The following TIMM23 variants were observed in gnomAD, a reference collection of about 807,000 sequenced individuals.
TIMM23 encodes the protein translocase of inner mitochondrial membrane 23.
In TIMM23, 19 loss-of-function variants were observed where a neutral mutation model predicts 30.7. The observed-to-expected ratio is 0.62, with a 90% CI of 0.43 to 0.91. The LOEUF (loss-of-function observed/expected upper bound fraction) is 0.91. Among genes scored for constraint, TIMM23 ranks in the 40% least tolerant of loss-of-function variants. TIMM23 has a pLI of 0.00. For missense variants in TIMM23, 202 were observed against 269.2 expected, an observed-to-expected ratio of 0.75 and a Z score of 1.75; for synonymous variants, 78 against 98.5, an observed-to-expected ratio of 0.79 and a Z score of 1.23.
At chr10:45,989,587 GT>G (rs1161541641) in intron 6 of TIMM23, among the ~76,000 whole-genome samples, 1 of 151,956 alleles carries the variant, frequency 6.6e-6, no homozygotes, top group East Asian at 1.9e-4. Context: ...TTTTAGTTTA[GT>G]TTTTTTAATC....
rs199733838 is a variant in TIMM23, at chr10:46,002,682, GA to G, written c.515-514del. Among the ~76,000 whole-genome samples the G allele has an allele frequency of 6.8e-3, 1,032 of 151,934 alleles. 13 individuals carry two copies. Among genetic ancestry groups the G allele is most frequent in the East Asian group, 0.02 (102 of 5,172 alleles). On this transcript the variant is annotated intron_variant, in intron 6 of 6. Coordinates refer to ENST00000580018, the MANE Select transcript of TIMM23 (RefSeq NM_006327.4). ...ATAGGAACAAATTGGAAAGTAGGGG[GA>G]AAAAAATTATGAATATGAAAATGTT...
In TIMM23 at chr10:46,003,415, A is replaced by G; in HGVS notation, c.*97A>G. 2 of 876,082 alleles carry G rather than the reference A, an allele frequency of 2.3e-6. No homozygotes were observed. The highest frequency in any genetic ancestry group is 3.5e-6 in the Non-Finnish European group (2 of 564,106). The allele number at this position is 876,082 out of a possible 1,614,324, so 54.3% of individuals were successfully genotyped here. A position where few individuals can be genotyped will look rare whatever the true frequency, so the allele number is the denominator to read the frequency against. On this transcript the variant is annotated 3_prime_UTR_variant, in exon 7 of 7. Transcript: ENST00000580018. ...TATTCTCTCTCTTCTACCTACAATT[A>G]GTTTGAAAAATTGGAGATTTTGATT... is the stretch of plus-strand genomic sequence containing the variant.
At chr10:45,988,635 G>A (rs1838068905) in intron 5 of TIMM23, 102 bp from the exon 6 acceptor site, 1 of 787,392 alleles carries the variant, frequency 1.3e-6, no homozygotes, top group East Asian at 2.5e-5. Context: ...AAGGGCTATG[G>A]GAGTTATGAG....
At chr10:45,982,087 T>C (rs1487893443) in intron 2 of TIMM23, among the ~76,000 whole-genome samples, 2 of 152,208 alleles carry the variant, frequency 1.3e-5, no homozygotes, top group Non-Finnish European at 2.9e-5. Context: ...CAAACTGTTG[T>C]ACTTTATTAG....
At position 45,982,533 on chromosome 10, in the gene TIMM23, A is replaced by C; in HGVS notation, c.176A>C (p.Glu59Ala). The C allele has an allele frequency of 6.2e-7, 1 of 1,613,956 alleles. No homozygotes were observed. The highest frequency in any genetic ancestry group is 8.5e-7 in the Non-Finnish European group (1 of 1,179,848). ...TTATTATCCTTTTAGGATACAGATG[A>C]GTTTATTTTACCTACCGGAGCTAAT... Reference protein sequence around the residue: ...DPRYLVQDTDEFILPTGANKT... With the variant: ...DPRYLVQDTDAFILPTGANKT... Residue 59 changes from glutamate (E) to alanine (A), a missense_variant, in exon 3 of 7, where the codon GAG becomes GCG. Glu to Ala is a moderately radical substitution (Grantham distance 107). Transcript: ENST00000580018.
intron 2 of TIMM23, among the ~76,000 whole-genome samples, chr10:45,976,720 C>T (rs1554913192): frequency 6.6e-6 from 1 of 151,824 alleles, no homozygotes; most frequent in Non-Finnish European, 1.5e-5. Flanking sequence ...ATGCCTTCTC[C>T]CTAAGATCAG....
chr10:45,982,585 C>T lies in TIMM23; in HGVS notation c.228C>T (p.Ala76=), dbSNP rs1390962489. Residue 76 remains alanine, a synonymous_variant, in exon 3 of 7, where the codon GCC becomes GCT. Transcript: ENST00000580018. The part of the protein sequence containing the change: ...ANKTRGRFEL[A]FFTIGGCCMT... ...AAACCCGGGGCAGATTTGAGCTGGC[C>T]TTCTTTACGATTGGAGGATGTTGCA... is the stretch of plus-strand genomic sequence containing the variant. 3.1e-6 allele frequency: 5 copies of T among 1,613,840 alleles called. No homozygotes were observed. The highest frequency in any genetic ancestry group is 2.5e-6 in the Non-Finnish European group (3 of 1,179,854).
intron 6 of TIMM23, among the ~76,000 whole-genome samples, chr10:45,999,423 A>C (rs1838451891): frequency 6.6e-6 from 1 of 152,148 alleles, no homozygotes; most frequent in East Asian, 1.9e-4. Flanking sequence ...GACAGGGTAC[A>C]AAAGAGAGAA....
At chr10:45,974,121 A>G (rs1388069395) in intron 1 of TIMM23, among the ~76,000 whole-genome samples, 2 of 151,316 alleles carry the variant, frequency 1.3e-5, no homozygotes, top group Non-Finnish European at 2.9e-5. Flanking sequence ...ACAGTGTGCT[A>G]GCTACTTTTC....
At chr10:46,000,089 A>C (rs554213078) in intron 6 of TIMM23, among the ~76,000 whole-genome samples, 4 of 152,284 alleles carry the variant, frequency 2.6e-5, no homozygotes, top group Admixed American at 6.5e-5. Flanking sequence ...TTGTTCAAAC[A>C]CACATGCTCT....
chr10:45,993,551 C>T (rs1838236580), intron 6 of TIMM23, among the ~76,000 whole-genome samples: 1 of 151,990 alleles, frequency 6.6e-6, no homozygotes. Context: ...GAGTCTGTCT[C>T]AGAATGAAAT....
At position 45,992,506 on chromosome 10, in the gene TIMM23, G is replaced by C. The variant is rs1377724812; in HGVS notation, c.514+3659G>C. 46 of 454,396 alleles carry C rather than the reference G, an allele frequency of 1.0e-4. No individual in the cohort carries two copies. The Admixed American group carries it at 1.0e-3, about 10-fold the overall frequency. The allele number at this position is 454,396 out of a possible 1,614,324, so 28.1% of individuals were successfully genotyped here. On this transcript the variant is annotated intron_variant, in intron 6 of 6. Transcript: ENST00000580018. ...TTAGAAGTTTTATAAACACTTGGAG[G>C]CTTATGAGTAAATGATTAGAAGGTA...
chr10:45,986,101 C>G (rs1295221580), intron 5 of TIMM23, among the ~76,000 whole-genome samples: 1 of 152,040 alleles, frequency 6.6e-6, no homozygotes, highest in Non-Finnish European at 1.5e-5. Flanking sequence ...TAAATTGTGG[C>G]AGATTAAGGA....
intron 6 of TIMM23, chr10:46,002,623 G>C (rs530838459): frequency 2.2e-6 from 1 of 458,260 alleles, no homozygotes; most frequent in East Asian, 1.5e-4. Flanking sequence ...AGCAGGAAAC[G>C]ACTGTTCTAG....
chr10:45,999,621 G>A (rs886662678), intron 6 of TIMM23, among the ~76,000 whole-genome samples: 1 of 152,074 alleles, frequency 6.6e-6, no homozygotes, highest in African/African-American at 2.4e-5. Flanking sequence ...ATGGAGGCAG[G>A]GCGAGATCAT....
chr10:45,978,054 T>G (rs1353144193), intron 2 of TIMM23, among the ~76,000 whole-genome samples: 63 of 151,200 alleles, frequency 4.2e-4, no homozygotes, highest in South Asian at 8.4e-4. Context: ...AAAAAATAAA[T>G]AAAGAATGGA....
chr10:45,977,860 C>T (rs1296046324), intron 2 of TIMM23, among the ~76,000 whole-genome samples: 35 of 151,796 alleles, frequency 2.3e-4, no homozygotes, highest in Non-Finnish European at 4.1e-4. Flanking sequence ...GGTGAAACCC[C>T]ATCTCTACTA....
chr10:45,978,834 A>C (rs1167479648), intron 2 of TIMM23, among the ~76,000 whole-genome samples: 1 of 152,204 alleles, frequency 6.6e-6, no homozygotes, highest in African/African-American at 2.4e-5. Flanking sequence ...TAAGTTGTAA[A>C]TGAATGTTGC....
At chr10:45,992,881 A>G (rs1838208163) in intron 6 of TIMM23, among the ~76,000 whole-genome samples, 1 of 151,974 alleles carries the variant, frequency 6.6e-6, no homozygotes, top group Non-Finnish European at 1.5e-5. Context: ...AAGTGGCTCT[A>G]TCTTCTCTGT....
Sources: allele counts gnomAD v4.1 joint callset (sites outside exome capture counted in the v4.1 genomes callset), GRCh38; gene constraint gnomAD v4.1.1; transcripts MANE v1.5; gene names NCBI Gene and HGNC (gene_info 2026-07-23, HGNC 2026-07-21).